LRP2: variants seen among roughly 807,000 people sequenced by gnomAD.
LRP2 encodes the protein low-density lipoprotein receptor-related protein 2.
Under a neutral mutation model 531.0 loss-of-function variants are expected in LRP2, and 172 were observed. That is an observed-to-expected ratio of 0.32 (90% CI 0.29 to 0.37). The LOEUF is 0.37. LRP2 is among the 10% of genes least tolerant of loss of function. The probability of loss-of-function intolerance (pLI) is 1.00; values close to 1 mark genes in which losing one functional copy is unlikely to be tolerated. For missense variants in LRP2, 5,167 were observed against 5,868.3 expected (o/e 0.88, Z 3.90); for synonymous variants, 1,992 against 2,027.6 (o/e 0.98, Z 0.47).
intron 14 of LRP2, among the ~76,000 whole-genome samples, chr2:169,274,345 A>T (rs976464874): frequency 6.6e-6 from 1 of 152,198 alleles, no homozygotes; most frequent in Non-Finnish European, 1.5e-5. Flanking sequence ...ACACTTTGGG[A>T]AGCCGGGGCA....
rs147981204 is a variant in LRP2, at chr2:169,279,382, G to A, written c.1555C>T (p.Pro519Ser). 2.9e-5 allele frequency: 46 copies of A among 1,612,900 alleles called. No homozygotes were observed. The African/African-American group carries it at 5.5e-4, about 19-fold the overall frequency. The change falls in exon 12 of 79, where the codon CCA becomes TCA. Residue 519 changes from proline to serine, a missense_variant. Pro to Ser is a moderately conservative substitution (Grantham distance 74, BLOSUM62 -1). Transcript: ENST00000649046. ...TTTCACATCACTTACCCAACAGTTG[G>A]GTCCACGGCAATTCCTCTAGGATGC... ...LGHPRGIAVDPTVGYLFFSDW... is the reference protein window; with the variant it reads ...LGHPRGIAVDSTVGYLFFSDW...
chr2:169,294,360 T>C, intron 5 of LRP2, 99 bp from the exon 6 acceptor site: 3 of 834,784 alleles, frequency 3.6e-6, no homozygotes, highest in Non-Finnish European at 6.3e-6. Flanking sequence ...AAAAAGGGAT[T>C]CTTATTAAGC....
In LRP2 at chr2:169,279,469, G is replaced by A. The variant is rs756451023; in HGVS notation, c.1468C>T (p.Arg490Cys). ...KIYLVETKVN[R>C]IDMVNLDGSY... ...CCATCCAAATTTACCATATCTATGC[G>A]GTTGACCTTGGTTTCCACTAGATAG... Residue 490 changes from arginine (R) to cysteine (C), a missense_variant, in exon 12 of 79, where the codon CGC becomes TGC. Coordinates refer to ENST00000649046, the MANE Select transcript of LRP2 (RefSeq NM_004525.3). 24 of 1,613,646 alleles carry A rather than the reference G, an allele frequency of 1.5e-5. No homozygotes were observed. The highest frequency in any genetic ancestry group is 8.9e-5 in the East Asian group (4 of 44,880).
At chr2:169,306,252 G>A (rs1400719556) in intron 4 of LRP2, among the ~76,000 whole-genome samples, 1 of 152,062 alleles carries the variant, frequency 6.6e-6, no homozygotes, top group East Asian at 1.9e-4. Flanking sequence ...AGAAACTAGG[G>A]GCCAGACACA....
rs147493966 is a variant in LRP2, at chr2:169,323,301, T to A, written c.80-2417A>T. On this transcript the variant is annotated intron_variant, in intron 1 of 78. Coordinates refer to ENST00000649046, the MANE Select transcript of LRP2 (RefSeq NM_004525.3). Reference sequence around the variant, plus strand: ...TGCCTGTTTATAACTCCCAAACGACTATTGTTTGGAAATATCTCTCCAGAA... The same window carrying A: ...TGCCTGTTTATAACTCCCAAACGACAATTGTTTGGAAATATCTCTCCAGAA... Among the ~76,000 whole-genome samples, 180 of 152,328 alleles carry A rather than the reference T, an allele frequency of 1.2e-3. 1 individual carries two copies. Among genetic ancestry groups the A allele is most frequent in the Admixed American group, 7.8e-3 (119 of 15,304 alleles).
chr2:169,326,591 C>T (rs1315115272), intron 1 of LRP2, among the ~76,000 whole-genome samples: 2 of 152,138 alleles, frequency 1.3e-5, no homozygotes, highest in Admixed American at 6.5e-5. Context: ...AGCCGCCTGC[C>T]TTGGCCTCCC....
intron 19 of LRP2, 109 bp from the exon 20 acceptor site, chr2:169,247,624 TC>T (rs1559039241): frequency 8.8e-7 from 1 of 1,141,164 alleles, no homozygotes; most frequent in Admixed American, 1.8e-5. Context: ...TACGATCATC[TC>T]CCCCATAAAT....
intron 18 of LRP2, among the ~76,000 whole-genome samples, 158 bp from the exon 19 acceptor site, chr2:169,256,394 C>T (rs2105406021): frequency 6.6e-6 from 1 of 152,070 alleles, no homozygotes; most frequent in South Asian, 2.1e-4. Context: ...AGTTTTATGT[C>T]CCCCAGAAAG....
intron 31 of LRP2, among the ~76,000 whole-genome samples, chr2:169,231,256 T>C (rs1689387576): frequency 6.8e-6 from 1 of 146,982 alleles, no homozygotes; most frequent in Non-Finnish European, 1.5e-5. Context: ...ATTACGCCAT[T>C]GCACTACAGT....
intron 63 of LRP2, among the ~76,000 whole-genome samples, chr2:169,161,988 C>T (rs952596541): frequency 6.6e-6 from 1 of 152,158 alleles, no homozygotes; most frequent in African/African-American, 2.4e-5. Flanking sequence ...TGGCTTGCTG[C>T]ACCCATTAAC....
chr2:169,215,825 T>C (rs566740050), intron 35 of LRP2, among the ~76,000 whole-genome samples: 5 of 148,286 alleles, frequency 3.4e-5, no homozygotes, highest in South Asian at 2.1e-4. Flanking sequence ...TATAGATACA[T>C]ACTCTATATT....
chr2:169,192,230 T>G (rs1331829022), intron 47 of LRP2, among the ~76,000 whole-genome samples, 197 bp from the exon 48 acceptor site: 1 of 152,214 alleles, frequency 6.6e-6, no homozygotes, highest in African/African-American at 2.4e-5. Flanking sequence ...CTTTGGACCC[T>G]GGCTTTTTCA....
intron 9 of LRP2, among the ~76,000 whole-genome samples, chr2:169,286,348 A>C (rs201024831): frequency 3.3e-5 from 5 of 152,216 alleles, no homozygotes; most frequent in African/African-American, 1.2e-4. Context: ...ATGAAAGAAG[A>C]TGTCTGTTGT....
chr2:169,172,180 A>G (rs1264317220), intron 57 of LRP2, 46 bp from the exon 58 acceptor site: 1 of 1,612,700 alleles, frequency 6.2e-7, no homozygotes, highest in South Asian at 1.1e-5. Flanking sequence ...TTGGCAGAGA[A>G]ATGCACAAAG....
chr2:169,294,502 C>T, intron 5 of LRP2, 98 bp downstream of exon 5: 1 of 924,262 alleles, frequency 1.1e-6, no homozygotes, highest in Non-Finnish European at 1.8e-6. Context: ...CATGAATTCA[C>T]TGAACCTGAA....
At chr2:169,353,087 A>G (rs1685895781) in intron 1 of LRP2, among the ~76,000 whole-genome samples, 1 of 152,176 alleles carries the variant, frequency 6.6e-6, no homozygotes, top group South Asian at 2.1e-4. Flanking sequence ...CTGCTTTAGT[A>G]AGGGTGAGTT....
At chr2:169,231,017 G>A (rs926353394) in intron 31 of LRP2, among the ~76,000 whole-genome samples, 33 of 152,180 alleles carry the variant, frequency 2.2e-4, no homozygotes, top group African/African-American at 8.0e-4. Context: ...AATGGAGCCA[G>A]GTGCAGTGGT....
chr2:169,169,889 AGTGG>A, intron 59 of LRP2, 71 bp from the exon 60 acceptor site: 1 of 1,026,150 alleles, frequency 9.7e-7, no homozygotes. Flanking sequence ...CCTGGAGTAT[AGTGG>A]TTACTCCATC....
intron 66 of LRP2, among the ~76,000 whole-genome samples, chr2:169,153,241 T>A (rs1037979377): frequency 6.6e-6 from 1 of 152,244 alleles, no homozygotes; most frequent in Admixed American, 6.5e-5. Context: ...ACAAAGTGCT[T>A]ATTTACTCTT....
Sources: gnomAD v4.1 joint callset for allele counts (sites outside exome capture counted in the v4.1 genomes callset) on GRCh38, gnomAD v4.1.1 for gene constraint, MANE v1.5 for transcripts, NCBI Gene and HGNC (gene_info 2026-07-23, HGNC 2026-07-21) for gene names.